SERINC5: variants seen among roughly 807,000 people sequenced by gnomAD.
SERINC5 encodes chromosome 5 open reading frame 12.
SERINC5 carries 41 observed loss-of-function variants against 63.1 expected under a neutral mutation model. The ratio of observed to expected loss-of-function variants is 0.65; its 90% CI spans 0.51 to 0.84. The LOEUF is 0.84. Ranked by LOEUF, SERINC5 falls within the 40% of genes least tolerant of loss-of-function variation. The pLI is 0.00. For synonymous variants in SERINC5, 222 were observed against 215.2 expected (o/e 1.03, Z -0.28); for missense variants, 523 against 573.0 (o/e 0.91, Z 0.89).
chr5:80,242,259 T>C (rs544174463), intron 1 of SERINC5, among the ~76,000 whole-genome samples: 2 of 152,094 alleles, frequency 1.3e-5, no homozygotes. Flanking sequence ...AAAGACAGAT[T>C]AGTTGAAAGC....
At chr5:80,247,084 C>T (rs1752200515) in intron 1 of SERINC5, among the ~76,000 whole-genome samples, 1 of 152,170 alleles carries the variant, frequency 6.6e-6, no homozygotes, top group African/African-American at 2.4e-5. Flanking sequence ...ACTTAAAGTA[C>T]TAAAAATAGC....
At chr5:80,131,876 G>A (rs1352971512) in intron 11 of SERINC5, among the ~76,000 whole-genome samples, 2 of 152,110 alleles carry the variant, frequency 1.3e-5, no homozygotes, top group East Asian at 3.9e-4. Flanking sequence ...ATCTAGTTCT[G>A]TAACTAGATT....
chr5:80,202,788 A>G, intron 2 of SERINC5, 98 bp downstream of exon 2: 1 of 1,228,260 alleles, frequency 8.1e-7, no homozygotes, highest in Non-Finnish European at 1.1e-6. Flanking sequence ...ACCCCAAAAC[A>G]CATGGGGGTA....
At chr5:80,120,951 G>A (rs544104578) in intron 11 of SERINC5, among the ~76,000 whole-genome samples, 47 of 152,118 alleles carry the variant, frequency 3.1e-4, no homozygotes, top group African/African-American at 1.1e-3. Flanking sequence ...GCAATGGCGC[G>A]ATCTTGACTC....
chr5:80,220,543 G>C (rs925100538), intron 1 of SERINC5, among the ~76,000 whole-genome samples: 1 of 152,170 alleles, frequency 6.6e-6, no homozygotes, highest in Non-Finnish European at 1.5e-5. Context: ...GGCAAAGAAG[G>C]CTCCTTTGAA....
At chr5:80,147,199 G>A (rs1436966746) in intron 10 of SERINC5, 46 bp downstream of exon 10, 1 of 1,530,888 alleles carries the variant, frequency 6.5e-7, no homozygotes. Flanking sequence ...AGAGTTATAG[G>A]TCTGCAGTGC....
At chr5:80,185,421 C>G (rs555281289) in intron 2 of SERINC5, among the ~76,000 whole-genome samples, 34 of 152,298 alleles carry the variant, frequency 2.2e-4, no homozygotes, top group Admixed American at 2.2e-3. Context: ...TCAGATAACA[C>G]CTGTGAAGTG....
chr5:80,148,069 GAAT>G (rs1745933825), intron 9 of SERINC5, among the ~76,000 whole-genome samples: 1 of 152,078 alleles, frequency 6.6e-6, no homozygotes, highest in Non-Finnish European at 1.5e-5. Flanking sequence ...TAAAGTGAAG[GAAT>G]CTGGAAGCAG....
At chr5:80,144,134 G>A (rs1745677264) in intron 11 of SERINC5, among the ~76,000 whole-genome samples, 1 of 151,006 alleles carries the variant, frequency 6.6e-6, no homozygotes, top group Non-Finnish European at 1.5e-5. Flanking sequence ...TGGCTTTTTT[G>A]CCTGGCATAC....
intron 6 of SERINC5, chr5:80,167,101 AG>A (rs1462090339): frequency 2.0e-5 from 3 of 152,358 alleles, no homozygotes; most frequent in Non-Finnish European, 4.4e-5. Flanking sequence ...CTTTTATTTT[AG>A]GTTTAGGGGT....
At chr5:80,254,706 C>T (rs1236843255) in intron 1 of SERINC5, among the ~76,000 whole-genome samples, 5 of 152,162 alleles carry the variant, frequency 3.3e-5, no homozygotes, top group Non-Finnish European at 5.9e-5. Flanking sequence ...TCTCTCTCTG[C>T]CTGACACAGG....
chr5:80,245,967 A>T (rs1196080243), intron 1 of SERINC5, among the ~76,000 whole-genome samples: 84 of 5,096 alleles, frequency 0.016, no homozygotes, highest in Non-Finnish European at 0.034. Context: ...CAGCTCTTTA[A>T]AAAAAAAAAA....
At chr5:80,181,416 TTGTGTGTG>T (rs70982028) in intron 2 of SERINC5, among the ~76,000 whole-genome samples, 8,210 of 145,420 alleles carry the variant, frequency 0.056, 295 homozygotes, top group Non-Finnish European at 0.088. Flanking sequence ...TCAGCTAATT[TTGTGTGTG>T]TGTGTGTGTG....
At chr5:80,154,552 C>T (rs73125979) in intron 8 of SERINC5, among the ~76,000 whole-genome samples, 22,131 of 152,042 alleles carry the variant, frequency 0.15, 2,452 homozygotes, top group African/African-American at 0.31. Flanking sequence ...AAAATGAAGA[C>T]ACAAATCTCC....
At position 80,174,805 on chromosome 5, in the gene SERINC5, TGAA is replaced by T; in HGVS notation, c.551+146_551+148del. On this transcript the variant is annotated intron_variant, in intron 5 of 11. Coordinates refer to ENST00000507668, the MANE Select transcript of SERINC5 (RefSeq NM_001174072.3). ...AGGGGGTCAAAAAGTGAGAAGTGAA[TGAA>T]GGAGAGGAGTAAATGAAGAGGTACA... 5.5e-6 allele frequency: 3 copies of T among 543,742 alleles called. 1 individual carries two copies. In the South Asian group the frequency reaches 8.2e-5, roughly 15 times the overall value. The allele number at this position is 543,742 out of a possible 1,614,324, so 33.7% of individuals were successfully genotyped here. A position where few individuals can be genotyped will look rare whatever the true frequency, so the allele number is the denominator to read the frequency against.
intron 1 of SERINC5, among the ~76,000 whole-genome samples, chr5:80,203,784 G>A (rs1750006136): frequency 6.6e-6 from 1 of 152,158 alleles, no homozygotes; most frequent in African/African-American, 2.4e-5. Flanking sequence ...TCATACCAGA[G>A]CTTGTACTAA....
chr5:80,254,286 C>G (rs375229779), intron 1 of SERINC5, among the ~76,000 whole-genome samples: 13 of 152,230 alleles, frequency 8.5e-5, no homozygotes, highest in East Asian at 3.8e-4. Context: ...TGATCACCAT[C>G]ACACAGCACT....
intron 11 of SERINC5, among the ~76,000 whole-genome samples, chr5:80,127,793 A>C (rs1374331055): frequency 6.6e-6 from 1 of 152,130 alleles, no homozygotes; most frequent in African/African-American, 2.4e-5. Flanking sequence ...CCAAATATTT[A>C]TCAAACTTTC....
chr5:80,133,206 C>G (rs1745017548), intron 11 of SERINC5, among the ~76,000 whole-genome samples: 1 of 152,164 alleles, frequency 6.6e-6, no homozygotes, highest in Non-Finnish European at 1.5e-5. Context: ...GATGCCAGTA[C>G]CAATGCTTAT....
Sources: gnomAD v4.1 joint callset for allele counts (sites outside exome capture counted in the v4.1 genomes callset) on GRCh38, gnomAD v4.1.1 for gene constraint, MANE v1.5 for transcripts, NCBI Gene and HGNC (gene_info 2026-07-23, HGNC 2026-07-21) for gene names.